CSMD3: variants seen among roughly 807,000 people sequenced by gnomAD.
The protein encoded by CSMD3 is CUB and Sushi multiple domains 3.
A neutral mutation model predicts 435.2 loss-of-function variants in CSMD3; 177 were observed. The observed-to-expected ratio is 0.41, with a 90% CI of 0.36 to 0.46. The LOEUF is 0.46. Ranked by LOEUF, CSMD3 falls within the 20% of genes least tolerant of loss-of-function variation. CSMD3 has a pLI of 0.34. For synonymous variants in CSMD3, 1,656 were observed against 1,520.5 expected, an observed-to-expected ratio of 1.09 and a Z score of -2.07; for missense variants, 4,265 against 4,504.6, an observed-to-expected ratio of 0.95 and a Z score of 1.52.
rs542378169 is a variant in CSMD3 at position 112,885,748 on chromosome 8, G to A, written c.1634-26482C>T. Reference sequence around the variant, plus strand: ...ATATCTATTTAGTTGTACAAATTATGTCAAGAAAGAGATTGGCATTCTCAA... The same window carrying A: ...ATATCTATTTAGTTGTACAAATTATATCAAGAAAGAGATTGGCATTCTCAA... On this transcript the variant is annotated intron_variant, in intron 10 of 70. Transcript: ENST00000297405. Among the ~76,000 whole-genome samples the A allele has an allele frequency of 9.9e-5, 15 of 151,822 alleles. No homozygotes were observed. In the South Asian group the frequency reaches 1.9e-3, roughly 19 times the overall value.
chr8:112,729,510 A>T (rs1348138194), intron 13 of CSMD3, among the ~76,000 whole-genome samples: 1 of 152,132 alleles, frequency 6.6e-6, no homozygotes, highest in Non-Finnish European at 1.5e-5. Context: ...GCCCCTCAAA[A>T]GATGTCTATG....
rs1186987990 is a variant in CSMD3, at chr8:112,666,425, T to C, written c.2678-10A>G. The C allele has an allele frequency of 6.2e-7, 1 of 1,610,260 alleles. No homozygotes were observed. Among genetic ancestry groups the C allele is most frequent in the Non-Finnish European group, 8.5e-7 (1 of 1,177,568 alleles). On this transcript the variant is annotated splice_polypyrimidine_tract_variant and intron_variant, in intron 16 of 70. Transcript: ENST00000297405. ...TGGCCACCACATGGGGCTGAAAAAT[T>C]AAATCAGACAAGTAAGAATAAAACA...
In CSMD3 at chr8:112,852,322, G is replaced by A. The variant is rs1587478753; in HGVS notation, c.1755+6823C>T. 2.6e-5 allele frequency among the ~76,000 whole-genome samples: 4 copies of A among 152,130 alleles called. No homozygotes were observed. In the South Asian group the frequency reaches 8.3e-4, roughly 31 times the overall value. On this transcript the variant is annotated intron_variant, in intron 11 of 70. Transcript: ENST00000297405. ...AGTCCTAAAATATCAGTTTAGGACT[G>A]AAATTTGGATTTTTTTGTTTTCCTG...
At chr8:113,093,506 C>G (rs1028792550) in intron 5 of CSMD3, among the ~76,000 whole-genome samples, 1 of 151,970 alleles carries the variant, frequency 6.6e-6, no homozygotes, top group Admixed American at 6.6e-5. Context: ...AAATTAGGAA[C>G]TAAGAAGTTA....
At chr8:113,157,298 G>A (rs896371438) in intron 4 of CSMD3, among the ~76,000 whole-genome samples, 3 of 152,062 alleles carry the variant, frequency 2.0e-5, no homozygotes, top group Non-Finnish European at 4.4e-5. Context: ...TGACTATAAA[G>A]CTCATGCTGT....
intron 3 of CSMD3, among the ~76,000 whole-genome samples, chr8:113,183,477 T>G (rs779756917): frequency 2.0e-5 from 3 of 152,042 alleles, no homozygotes; most frequent in Non-Finnish European, 4.4e-5. Context: ...CTTGAGGTGA[T>G]CTGAAACAAT....
chr8:113,025,711 A>G (rs2086851260), intron 5 of CSMD3, among the ~76,000 whole-genome samples: 1 of 152,062 alleles, frequency 6.6e-6, no homozygotes, highest in African/African-American at 2.4e-5. Flanking sequence ...TTGAGCTGTC[A>G]GGCACACATG....
chr8:112,363,931 G>A (rs560351395), intron 38 of CSMD3, among the ~76,000 whole-genome samples: 2 of 152,078 alleles, frequency 1.3e-5, no homozygotes, highest in African/African-American at 4.8e-5. Flanking sequence ...GAATGTTGAT[G>A]TGCATAAACT....
rs1182866683 is a variant in CSMD3, at chr8:112,341,508, T to C, written c.6621A>G (p.Gln2207=). 4 of 1,612,938 alleles carry C rather than the reference T, an allele frequency of 2.5e-6. No homozygotes were observed. In the South Asian group the frequency reaches 3.3e-5, roughly 13 times the overall value. The part of the protein sequence containing the change: ...TSLYFHSDYS[Q]NKQGFHIVYQ... ...ATACAATATGAAACCCTTGTTTGTT[T>C]TGTGAATAGTCACTGTGAAAATATA... The change falls in exon 42 of 71, where the codon CAA becomes CAG. Residue 2207 remains glutamine, a synonymous_variant. Coordinates refer to ENST00000297405, the MANE Select transcript of CSMD3 (RefSeq NM_198123.2).
chr8:112,377,731 G>A (rs571495308), intron 38 of CSMD3, among the ~76,000 whole-genome samples: 2 of 152,072 alleles, frequency 1.3e-5, no homozygotes, highest in East Asian at 1.9e-4. Flanking sequence ...CATTAACAGA[G>A]TGAAGAATAC....
rs138443792 is a variant in CSMD3, at chr8:112,604,399, C to T, written c.3716-17164G>A. Among the ~76,000 whole-genome samples, 261 of 151,558 alleles carry T rather than the reference C, an allele frequency of 1.7e-3. 3 individuals carry two copies. Among genetic ancestry groups the T allele is most frequent in the African/African-American group, 6.0e-3 (250 of 41,352 alleles). ...TGATAGGAATAGCCACAGATCAATA[C>T]AATGAAAACAGCGTGGTACTGATAT... is the stretch of plus-strand genomic sequence containing the variant. On this transcript the variant is annotated intron_variant, in intron 22 of 70. Coordinates refer to ENST00000297405, the MANE Select transcript of CSMD3 (RefSeq NM_198123.2).
At chr8:113,081,137 T>G (rs1043557717) in intron 5 of CSMD3, among the ~76,000 whole-genome samples, 1 of 152,204 alleles carries the variant, frequency 6.6e-6, no homozygotes, top group African/African-American at 2.4e-5. Flanking sequence ...TACTGCAAAT[T>G]TTATTAATTA....
At chr8:112,822,349 C>G (rs2079551986) in intron 12 of CSMD3, among the ~76,000 whole-genome samples, 1 of 151,990 alleles carries the variant, frequency 6.6e-6, no homozygotes. Flanking sequence ...TTGTAGTTCT[C>G]CTTGAAGAGG....
At chr8:112,574,988 T>C (rs1351639605) in intron 23 of CSMD3, among the ~76,000 whole-genome samples, 1 of 151,996 alleles carries the variant, frequency 6.6e-6, no homozygotes, top group Non-Finnish European at 1.5e-5. Context: ...TTTTAGGTGG[T>C]ACACAATGGA....
At chr8:113,098,708 T>C (rs755385170) in intron 5 of CSMD3, 48 bp downstream of exon 5, 2 of 1,252,954 alleles carry the variant, frequency 1.6e-6, no homozygotes, top group African/African-American at 1.5e-5. Context: ...TGTTCCTTAG[T>C]TTGCTTCAAC....
chr8:113,173,387 T>C (rs2092299338), intron 4 of CSMD3, among the ~76,000 whole-genome samples: 1 of 152,102 alleles, frequency 6.6e-6, no homozygotes, highest in African/African-American at 2.4e-5. Context: ...AGTGGCGCGA[T>C]CTCAGCTCAC....
At chr8:113,063,564 G>T (rs1251939024) in intron 5 of CSMD3, among the ~76,000 whole-genome samples, 1 of 151,868 alleles carries the variant, frequency 6.6e-6, no homozygotes, top group Admixed American at 6.6e-5. Context: ...ACTCTGACCT[G>T]AAAATAAGCA....
At chr8:112,746,100 T>C (rs1335087214) in intron 13 of CSMD3, among the ~76,000 whole-genome samples, 2 of 152,166 alleles carry the variant, frequency 1.3e-5, no homozygotes, top group East Asian at 3.9e-4. Context: ...CAACTATAGT[T>C]TTATATGCTA....
At chr8:112,926,545 T>A (rs189060621) in intron 9 of CSMD3, among the ~76,000 whole-genome samples, 3 of 152,198 alleles carry the variant, frequency 2.0e-5, no homozygotes, top group Non-Finnish European at 4.4e-5. Context: ...CTCATGATTA[T>A]GCTGGTCAAT....
Sources: allele counts gnomAD v4.1 joint callset (sites outside exome capture counted in the v4.1 genomes callset), GRCh38; gene constraint gnomAD v4.1.1; transcripts MANE v1.5; gene names NCBI Gene and HGNC (gene_info 2026-07-23, HGNC 2026-07-21).